The following COBL variants were observed in gnomAD, a reference collection of about 807,000 sequenced individuals.
COBL encodes the protein cordon-bleu WH2 repeat protein, also known as protein cordon-bleu.
In COBL, 51 loss-of-function variants were observed where a neutral mutation model predicts 98.8. The observed-to-expected ratio is 0.52, with a 90% confidence interval of 0.41 to 0.65. COBL has a LOEUF of 0.65. Ranked by LOEUF, COBL falls within the 30% of genes least tolerant of loss-of-function variation. The pLI, the probability that COBL is intolerant of heterozygous loss-of-function variation, is 0.00. For synonymous variants in COBL, 634 were observed against 651.7 expected, an observed-to-expected ratio of 0.97 and a Z score of 0.41; for missense variants, 1,617 against 1,617.5, an observed-to-expected ratio of 1.00 and a Z score of 0.01.
chr7:51,207,666 G>A (rs1329340164), intron 2 of COBL, among the ~76,000 whole-genome samples: 11 of 152,254 alleles, frequency 7.2e-5, no homozygotes, highest in Admixed American at 2.0e-4. Flanking sequence ...TCCTAACCGC[G>A]AGTGATCCGC....
intron 7 of COBL, among the ~76,000 whole-genome samples, chr7:51,075,104 A>C (rs1210624795): frequency 6.6e-6 from 1 of 152,218 alleles, no homozygotes; most frequent in Non-Finnish European, 1.5e-5. Context: ...TGTCAATCCC[A>C]TGAATGACTT....
At chr7:51,156,085 C>A (rs536208102) in intron 5 of COBL, among the ~76,000 whole-genome samples, 1 of 152,172 alleles carries the variant, frequency 6.6e-6, no homozygotes, top group Non-Finnish European at 1.5e-5. Context: ...ATCATCCAGA[C>A]GACATAGAAC....
chr7:51,068,521 T>C (rs1269254472), intron 7 of COBL, among the ~76,000 whole-genome samples: 1 of 152,204 alleles, frequency 6.6e-6, no homozygotes, highest in Non-Finnish European at 1.5e-5. Context: ...CATAAAGTAA[T>C]ATATATAGTT....
chr7:51,101,390 T>TC (rs1490120606), intron 6 of COBL, among the ~76,000 whole-genome samples: 3 of 151,966 alleles, frequency 2.0e-5, no homozygotes, highest in Non-Finnish European at 4.4e-5. Flanking sequence ...ATGACTCAAA[T>TC]CCCCCCAAAG....
intron 7 of COBL, among the ~76,000 whole-genome samples, chr7:51,084,402 A>G (rs75938334): frequency 0.048 from 7,311 of 152,210 alleles, 269 homozygotes; most frequent in Middle Eastern, 0.17. Context: ...TCAGCTCAGG[A>G]AGGTGTGACT....
intron 7 of COBL, among the ~76,000 whole-genome samples, chr7:51,063,384 C>T (rs1298552088): frequency 6.6e-6 from 1 of 152,244 alleles, no homozygotes; most frequent in Non-Finnish European, 1.5e-5. Context: ...ATCCGCCTGC[C>T]TCGGCCTCCC....
At chr7:51,290,482 C>G (rs999144290) in intron 1 of COBL, among the ~76,000 whole-genome samples, 1 of 151,986 alleles carries the variant, frequency 6.6e-6, no homozygotes, top group Non-Finnish European at 1.5e-5. Context: ...TTGTGCTCAG[C>G]CTTCCTTTAA....
chr7:51,236,727 G>A (rs1584268137), intron 1 of COBL, among the ~76,000 whole-genome samples: 1 of 152,126 alleles, frequency 6.6e-6, no homozygotes, highest in South Asian at 2.1e-4. Context: ...AGGGGAATGG[G>A]AATACCTACT....
rs1785156248 is a variant in COBL, at chr7:51,147,673, G to A, written c.784-11342C>T. On this transcript the variant is annotated intron_variant, in intron 5 of 12. Transcript: ENST00000265136. ...TAGGCTATGACCTAACGCCCGCTTG[G>A]ACTAGTATAAGCATGCCAGGGCAAA... 1.3e-5 allele frequency among the ~76,000 whole-genome samples: 2 copies of A among 152,112 alleles called. 1 individual carries two copies. Among genetic ancestry groups the A allele is most frequent in the South Asian group, 4.1e-4 (2 of 4,828 alleles).
At chr7:51,180,504 C>G (rs1037400894) in intron 5 of COBL, among the ~76,000 whole-genome samples, 4 of 152,148 alleles carry the variant, frequency 2.6e-5, no homozygotes, top group Admixed American at 2.6e-4. Flanking sequence ...CAAAAAGTTC[C>G]AGCAAAGCCA....
At chr7:51,065,120 T>C (rs750092147) in intron 7 of COBL, 16 of 694,206 alleles carry the variant, frequency 2.3e-5, no homozygotes, top group African/African-American at 1.1e-4. Context: ...ACACAGAGGA[T>C]AGAAAAAAAC....
intron 2 of COBL, among the ~76,000 whole-genome samples, chr7:51,203,245 G>A (rs13226863): frequency 1.2e-4 from 15 of 121,854 alleles, no homozygotes; most frequent in Admixed American, 5.5e-4. Context: ...GGCGGATCAC[G>A]AGGTCAGGAG....
At chr7:51,103,307 G>C (rs947292251) in intron 6 of COBL, among the ~76,000 whole-genome samples, 1 of 152,174 alleles carries the variant, frequency 6.6e-6, no homozygotes. Context: ...GTGAGAAAGA[G>C]AGAGAATTGG....
intron 5 of COBL, among the ~76,000 whole-genome samples, chr7:51,141,314 T>C (rs1799722031): frequency 6.6e-6 from 1 of 152,168 alleles, no homozygotes; most frequent in Non-Finnish European, 1.5e-5. Context: ...TTGGTTACAA[T>C]AAGTATACTC....
chr7:51,181,315 G>A (rs1415754352), intron 5 of COBL, among the ~76,000 whole-genome samples: 1 of 152,198 alleles, frequency 6.6e-6, no homozygotes, highest in African/African-American at 2.4e-5. Context: ...AAATGCAGTG[G>A]TGGTCATGTC....
At chr7:51,126,207 A>G (rs1168015879) in intron 6 of COBL, among the ~76,000 whole-genome samples, 2 of 152,190 alleles carry the variant, frequency 1.3e-5, no homozygotes, top group Non-Finnish European at 2.9e-5. Context: ...ATGCGCCTGC[A>G]ATCCCAGCAG....
intron 6 of COBL, among the ~76,000 whole-genome samples, chr7:51,108,335 A>G (rs1198569702): frequency 2.6e-5 from 4 of 152,106 alleles, no homozygotes; most frequent in Non-Finnish European, 5.9e-5. Context: ...GTTGCTGTGC[A>G]GTGGCACTCG....
chr7:51,178,202 G>A (rs1405321549), intron 5 of COBL, among the ~76,000 whole-genome samples: 1 of 151,530 alleles, frequency 6.6e-6, no homozygotes, highest in Non-Finnish European at 1.5e-5. Context: ...ATATACATGT[G>A]GTTTTATGTG....
At chr7:51,104,151 T>C (rs114682273) in intron 6 of COBL, among the ~76,000 whole-genome samples, 4,150 of 152,342 alleles carry the variant, frequency 0.027, 171 homozygotes, top group South Asian at 0.086. Context: ...CCTCAATACC[T>C]AATGTAGTTA....
Sources: gnomAD v4.1 joint callset for allele counts (sites outside exome capture counted in the v4.1 genomes callset) on GRCh38, gnomAD v4.1.1 for gene constraint, MANE v1.5 for transcripts, NCBI Gene and HGNC (gene_info 2026-07-23, HGNC 2026-07-21) for gene names.